Variants in SGCZ observed in about 807,000 individuals in gnomAD.
SGCZ encodes zeta-sarcoglycan.
Under a neutral mutation model 41.3 loss-of-function variants are expected in SGCZ, and 40 were observed. The observed-to-expected ratio is 0.97, with a 90% confidence interval of 0.75 to 1.26. The LOEUF (loss-of-function observed/expected upper bound fraction) is 1.26, where lower values mean the gene tolerates loss of function less well. Ranked by LOEUF, SGCZ falls within the 50% of genes most tolerant of loss-of-function variation. SGCZ has a pLI of 0.00. For synonymous variants in SGCZ, 206 were observed against 137.5 expected, an observed-to-expected ratio of 1.50 and a Z score of -3.49; for missense variants, 552 against 369.8, an observed-to-expected ratio of 1.49 and a Z score of -4.04.
chr8:14,602,245 T>A (rs944426736), intron 1 of SGCZ, among the ~76,000 whole-genome samples: 4 of 152,156 alleles, frequency 2.6e-5, no homozygotes, highest in East Asian at 1.9e-4. Flanking sequence ...TTTAAAAAAA[T>A]TCTCAATTTT....
chr8:14,271,169 C>T (rs568182243), intron 3 of SGCZ, among the ~76,000 whole-genome samples: 1 of 151,216 alleles, frequency 6.6e-6, no homozygotes, highest in African/African-American at 2.4e-5. Context: ...GCACGTTGTG[C>T]ACATGTACCG....
intron 1 of SGCZ, among the ~76,000 whole-genome samples, chr8:15,116,122 A>G (rs1420738452): frequency 2.6e-5 from 4 of 152,216 alleles, no homozygotes; most frequent in African/African-American, 9.6e-5. Context: ...TTTGGTCTGC[A>G]GCCATTAGTT....
intron 1 of SGCZ, among the ~76,000 whole-genome samples, chr8:14,575,306 A>C (rs28406832): frequency 0.031 from 4,708 of 152,268 alleles, 139 homozygotes; most frequent in African/African-American, 0.083. Flanking sequence ...GGCTACTTTG[A>C]GTTGAATGGA....
intron 1 of SGCZ, among the ~76,000 whole-genome samples, chr8:14,762,836 C>G (rs1799933896): frequency 2.0e-5 from 3 of 152,128 alleles, no homozygotes; most frequent in Admixed American, 1.3e-4. Flanking sequence ...ATATCTCTGT[C>G]TTCAAATGAT....
intron 1 of SGCZ, among the ~76,000 whole-genome samples, chr8:14,856,421 G>T (rs1803547066): frequency 6.6e-6 from 1 of 152,028 alleles, no homozygotes; most frequent in Non-Finnish European, 1.5e-5. Context: ...AAACACAAAA[G>T]TTCAGCACTA....
intron 1 of SGCZ, among the ~76,000 whole-genome samples, chr8:14,621,850 A>G (rs947113623): frequency 1.3e-4 from 20 of 152,116 alleles, no homozygotes; most frequent in African/African-American, 4.6e-4. Context: ...GCCAAATCAT[A>G]TAGACTTCTG....
chr8:14,705,571 T>C (rs1809307110), intron 1 of SGCZ, among the ~76,000 whole-genome samples: 1 of 151,934 alleles, frequency 6.6e-6, no homozygotes, highest in Non-Finnish European at 1.5e-5. Context: ...ATTTAATAGA[T>C]CAAAATGTTT....
chr8:15,105,141 A>ATTACC (rs1384056468), intron 1 of SGCZ, among the ~76,000 whole-genome samples: 1 of 152,216 alleles, frequency 6.6e-6, no homozygotes, highest in Non-Finnish European at 1.5e-5. Context: ...GGACACTTGT[A>ATTACC]TTACCTTTAT....
intron 1 of SGCZ, among the ~76,000 whole-genome samples, chr8:14,664,504 T>C (rs576812635): frequency 7.2e-5 from 11 of 152,330 alleles, no homozygotes; most frequent in South Asian, 4.1e-4. Context: ...AGATATGTGA[T>C]ATTTCAACTA....
chr8:14,967,006 T>C (rs1801146037), intron 1 of SGCZ, among the ~76,000 whole-genome samples: 1 of 152,156 alleles, frequency 6.6e-6, no homozygotes, highest in Non-Finnish European at 1.5e-5. Context: ...TGTACAATTA[T>C]TAAAAATTTT....
chr8:14,878,553 T>C (rs1043034030), intron 1 of SGCZ, among the ~76,000 whole-genome samples: 1 of 152,150 alleles, frequency 6.6e-6, no homozygotes, highest in African/African-American at 2.4e-5. Context: ...ATATACAATA[T>C]TGAAGTTGAA....
intron 1 of SGCZ, among the ~76,000 whole-genome samples, chr8:15,188,550 T>C (rs1291287397): frequency 2.6e-5 from 4 of 152,170 alleles, no homozygotes; most frequent in Non-Finnish European, 5.9e-5. Flanking sequence ...ACATGATTCA[T>C]TTAACATTTC....
chr8:14,545,013 A>G (rs182799779), intron 2 of SGCZ, among the ~76,000 whole-genome samples: 6 of 152,136 alleles, frequency 3.9e-5, no homozygotes. Context: ...CTGGTCTGAA[A>G]CTCAGGCGAG....
intron 3 of SGCZ, among the ~76,000 whole-genome samples, chr8:14,241,908 G>A (rs1413459857): frequency 1.3e-5 from 2 of 152,050 alleles, no homozygotes; most frequent in African/African-American, 4.8e-5. Flanking sequence ...ATGACCAATG[G>A]AAAAATGATT....
Position 14,715,642 on chromosome 8 carries a change from A to G in SGCZ, c.40-160716T>C, listed in dbSNP as rs1325494246. On this transcript the variant is annotated intron_variant, in intron 1 of 7. Coordinates refer to ENST00000382080, the MANE Select transcript of SGCZ (RefSeq NM_139167.4). ...TGACAAAATACGAAAATTATGTCTGATAATTCCTAAGGAAAAGCCTACTAC... is the reference window on the plus strand; with the variant it reads ...TGACAAAATACGAAAATTATGTCTGGTAATTCCTAAGGAAAAGCCTACTAC... 2.6e-5 allele frequency among the ~76,000 whole-genome samples: 4 copies of G among 152,266 alleles called. No homozygotes were observed. The East Asian group carries it at 7.7e-4, about 29-fold the overall frequency.
At position 15,031,133 on chromosome 8, in the gene SGCZ, A is replaced by C. The variant is rs538281619; in HGVS notation, c.39+206452T>G. Among the ~76,000 whole-genome samples the C allele has an allele frequency of 2.6e-5, 4 of 152,200 alleles. No individual in the cohort carries two copies. In the South Asian group the frequency reaches 8.3e-4, roughly 32 times the overall value. On this transcript the variant is annotated intron_variant, in intron 1 of 7. Transcript: ENST00000382080. Reference sequence around the variant, plus strand: ...ACAGAGTTTCATAAAACCAATCTGCATTGAGGTAGCTTTATTTTAAACAGG... The same window carrying C: ...ACAGAGTTTCATAAAACCAATCTGCCTTGAGGTAGCTTTATTTTAAACAGG...
chr8:15,153,585 G>C (rs577097260), intron 1 of SGCZ, among the ~76,000 whole-genome samples: 1 of 152,238 alleles, frequency 6.6e-6, no homozygotes, highest in East Asian at 1.9e-4. Context: ...CCTCATGAAA[G>C]GCTTGGACTA....
chr8:14,512,087 T>C (rs6530783), intron 2 of SGCZ, among the ~76,000 whole-genome samples: 73,372 of 151,854 alleles, frequency 0.48, 18,015 homozygotes, highest in East Asian at 0.67. Context: ...ACTGACACCA[T>C]GAAAACTAAA....
chr8:14,585,778 T>C (rs1358658903), intron 1 of SGCZ, among the ~76,000 whole-genome samples: 3 of 152,112 alleles, frequency 2.0e-5, no homozygotes, highest in Admixed American at 6.6e-5. Context: ...AGAGGTAAGA[T>C]GATTCAATGA....
Sources: allele counts gnomAD v4.1 joint callset (sites outside exome capture counted in the v4.1 genomes callset), GRCh38; gene constraint gnomAD v4.1.1; transcripts MANE v1.5; gene names NCBI Gene and HGNC (gene_info 2026-07-23, HGNC 2026-07-21).